The following ENTPD8 variants were observed in gnomAD, a reference collection of about 807,000 sequenced individuals.
ENTPD8 encodes the protein E-NTPDase 8.
Under a neutral mutation model 47.0 loss-of-function variants are expected in ENTPD8, and 35 were observed. The ratio of observed to expected loss-of-function variants is 0.75; its 90% CI spans 0.57 to 0.99. The LOEUF is 0.99. Ranked by LOEUF, ENTPD8 falls within the 50% of genes least tolerant of loss-of-function variation. The pLI is 0.00. For synonymous variants in ENTPD8, 308 were observed against 290.5 expected, an observed-to-expected ratio of 1.06 and a Z score of -0.61; for missense variants, 668 against 649.9, an observed-to-expected ratio of 1.03 and a Z score of -0.30.
At position 137,438,241 on chromosome 9, in the gene ENTPD8, C is replaced by A; in HGVS notation, c.45G>T (p.Gly15=). The change falls in exon 2 of 10, where the codon GGG becomes GGT. Residue 15 remains glycine, a synonymous_variant. Transcript: ENST00000371506. The surrounding 1 kb of genome is among the most constrained non-coding windows in gnomAD (Gnocchi z 5.7). ...RKEQVFLALL[G]ASGVSGLTAL... is the part of the protein sequence containing the mutation. ...CCGTGAGGCCTGAGACCCCCGAGGC[C>A]CCCAGCAGGGCCAAGAAGACCTGCT... 1 of 1,600,302 alleles carries A rather than the reference C, an allele frequency of 6.2e-7. No individual in the cohort carries two copies. Among genetic ancestry groups the A allele is most frequent in the Non-Finnish European group, 8.5e-7 (1 of 1,173,998 alleles).
At chr9:137,435,363 G>A (rs781593375) in intron 8 of ENTPD8, 25 bp from the exon 9 acceptor site, 6 of 1,600,082 alleles carry the variant, frequency 3.7e-6, no homozygotes, top group South Asian at 3.3e-5. Context: ...ACCAAGAGGC[G>A]AGGTGAGGGC....
chr9:137,435,406 T>C lies in ENTPD8; in HGVS notation c.1162-68A>G, dbSNP rs550662960. ...CCCCAGTCATGCGGGGACCGCCCCATCTGTCCTGGCCAACCTGAGCACGCA... is the reference window on the plus strand; with the variant it reads ...CCCCAGTCATGCGGGGACCGCCCCACCTGTCCTGGCCAACCTGAGCACGCA... On this transcript the variant is annotated intron_variant, in intron 8 of 9. Transcript: ENST00000371506. 13 of 1,555,370 alleles carry C rather than the reference T, an allele frequency of 8.4e-6. 1 individual carries two copies. The South Asian group carries it at 1.6e-4, about 19-fold the overall frequency.
At chr9:137,437,101 C>A in intron 4 of ENTPD8, 58 bp downstream of exon 4, 2 of 1,602,808 alleles carry the variant, frequency 1.2e-6, no homozygotes, top group Non-Finnish European at 1.7e-6. Flanking sequence ...GCCACGCTGG[C>A]TGAGACCATG....
chr9:137,435,375 C>A, intron 8 of ENTPD8, 37 bp from the exon 9 acceptor site: 1 of 1,592,594 alleles, frequency 6.3e-7, no homozygotes, highest in Non-Finnish European at 8.5e-7. Flanking sequence ...GGTGAGGGCC[C>A]CTGATCCCCA....
chr9:137,436,594 C>T lies in ENTPD8; in HGVS notation c.713G>A (p.Ser238Asn), dbSNP rs756604767. 4 of 1,611,718 alleles carry T rather than the reference C, an allele frequency of 2.5e-6. No individual in the cohort carries two copies. The highest frequency in any genetic ancestry group is 2.7e-5 in the African/African-American group (2 of 74,882). ...GCACAGGTAGCTGTGAGTGTAGACG[C>T]TGTAGTCGGAGCCGTAGAGGCGAAA... is the stretch of plus-strand genomic sequence containing the variant. ...ADFRLYGSDY[S>N]VYTHSYLCFG... Residue 238 changes from serine to asparagine, a missense_variant, in exon 6 of 10, where the codon AGC becomes AAC. Transcript: ENST00000371506.
In ENTPD8 at chr9:137,435,286, G is replaced by A. The variant is rs1839310678; in HGVS notation, c.1214C>T (p.Ser405Leu). The change falls in exon 9 of 10, where the codon TCA (serine) becomes TTA (leucine). Residue 405 changes from serine to leucine, a missense_variant. Coordinates refer to ENST00000371506, the MANE Select transcript of ENTPD8 (RefSeq NM_001033113.2). Reference sequence around the variant, plus strand: ...CAGGAGGGTGAGGATGTACAGGCCTGAGGCACAGTAGTCCCGCAGCCAGCG... The same window carrying A: ...CAGGAGGGTGAGGATGTACAGGCCTAAGGCACAGTAGTCCCGCAGCCAGCG... ...QDRWLRDYCASGLYILTLLHE... is the reference protein window; with the variant it reads ...QDRWLRDYCALGLYILTLLHE... 23 of 1,612,560 alleles carry A rather than the reference G, an allele frequency of 1.4e-5. No homozygotes were observed. The highest frequency in any genetic ancestry group is 1.9e-5 in the Non-Finnish European group (23 of 1,179,908).
At position 137,434,876 on chromosome 9, in the gene ENTPD8, G is replaced by A. The variant is rs950195736; in HGVS notation, c.*38C>T. On this transcript the variant is annotated 3_prime_UTR_variant, in exon 10 of 10. Transcript: ENST00000371506. ...AGCCTCCAGCATCCGGGACGCAGCTGCCTGTGGGCTCTGTGGGGGCCCACC... is the reference window on the plus strand; with the variant it reads ...AGCCTCCAGCATCCGGGACGCAGCTACCTGTGGGCTCTGTGGGGGCCCACC... The A allele has an allele frequency of 1.3e-6, 2 of 1,558,838 alleles. No homozygotes were observed. Among genetic ancestry groups the A allele is most frequent in the Non-Finnish European group, 1.7e-6 (2 of 1,152,312 alleles).
chr9:137,439,955 C>G (rs1317632698), intron 1 of ENTPD8, among the ~76,000 whole-genome samples: 1 of 63,936 alleles, frequency 1.6e-5, no homozygotes, highest in African/African-American at 6.7e-5. Context: ...GACCAGGACA[C>G]CCCCTCAGAC....
At position 137,434,814 on chromosome 9, in the gene ENTPD8, C is replaced by T. The variant is rs1839291292; in HGVS notation, c.*100G>A. 1 of 1,396,984 alleles carries T rather than the reference C, an allele frequency of 7.2e-7. No homozygotes were observed. Among genetic ancestry groups the T allele is most frequent in the Non-Finnish European group, 9.5e-7 (1 of 1,056,744 alleles). The allele number at this position is 1,396,984 out of a possible 1,614,324, so 86.5% of individuals were successfully genotyped here. A position where few individuals can be genotyped will look rare whatever the true frequency, so the allele number is the denominator to read the frequency against. ...GGCTGTCACCTGACCGTGGGCAGAGCCACAGAGCAAGGCCCCACGGCGCTC... is the reference window on the plus strand; with the variant it reads ...GGCTGTCACCTGACCGTGGGCAGAGTCACAGAGCAAGGCCCCACGGCGCTC... On this transcript the variant is annotated 3_prime_UTR_variant, in exon 10 of 10. Transcript: ENST00000371506.
In ENTPD8 at chr9:137,435,044, G is replaced by A. The variant is rs141187532; in HGVS notation, c.1358C>T (p.Pro453Leu). ...GYMLNLTGMI[P>L]ADAPAQWRAE... The stretch of plus-strand genomic sequence containing the variant: ...CCGCCACTGAGCCGGCGCATCGGCC[G>A]GGATCATCCCGGTCAGGTTCAGCAT... Residue 453 changes from proline (P) to leucine (L), a missense_variant, in exon 10 of 10, where the codon CCG (proline) becomes CTG (leucine). By Grantham distance (98) the Pro-to-Leu change is moderately conservative (BLOSUM62 -3). Transcript: ENST00000371506. 2.9e-4 allele frequency: 473 copies of A among 1,612,478 alleles called. No homozygotes were observed. Among genetic ancestry groups the A allele is most frequent in the Non-Finnish European group, 3.7e-4 (442 of 1,179,888 alleles).
Position 137,438,764 on chromosome 9 carries a change from C to CG in ENTPD8, c.-20-460dup, listed in dbSNP as rs1407064683. Among the ~76,000 whole-genome samples, 1 of 152,030 alleles carries CG rather than the reference C, an allele frequency of 6.6e-6. No homozygotes were observed. Among genetic ancestry groups the CG allele is most frequent in the Non-Finnish European group, 1.5e-5 (1 of 67,940 alleles). ...ATCAGAGGGCCCTGTGGGAGGGGGG[C>CG]GGGGGGCAGCAGAGGCCTCGTCTGG... On this transcript the variant is annotated intron_variant, in intron 1 of 9. Coordinates refer to ENST00000371506, the MANE Select transcript of ENTPD8 (RefSeq NM_001033113.2). The surrounding 1 kb of genome is among the most constrained non-coding windows in gnomAD (Gnocchi z 5.7).
In ENTPD8 at chr9:137,435,751, T is replaced by C. The variant is rs200480344; in HGVS notation, c.1129A>G (p.Ile377Val). 1.2e-6 allele frequency: 2 copies of C among 1,613,242 alleles called. No homozygotes were observed. The highest frequency in any genetic ancestry group is 2.7e-5 in the African/African-American group (2 of 74,920). ...CAGGGCCTCTGGCAAAACTCCCAGATGGTGGCGTTGACCGTGCTCAGGGGC... is the reference window on the plus strand; with the variant it reads ...CAGGGCCTCTGGCAAAACTCCCAGACGGTGGCGTTGACCGTGCTCAGGGGC... ...RQPLSTVNATIWEFCQRPWKL... is the reference protein window; with the variant it reads ...RQPLSTVNATVWEFCQRPWKL... Residue 377 changes from isoleucine (I) to valine (V), a missense_variant, in exon 8 of 10, where the codon ATC becomes GTC. Physicochemically the swap from Ile to Val is conservative, Grantham distance 29 (BLOSUM62 3). Coordinates refer to ENST00000371506, the MANE Select transcript of ENTPD8 (RefSeq NM_001033113.2).
chr9:137,435,712 C>T lies in ENTPD8; in HGVS notation c.1161+7G>A. 6.2e-7 allele frequency: 1 copy of T among 1,611,014 alleles called. No homozygotes were observed. Among genetic ancestry groups the T allele is most frequent in the Non-Finnish European group, 8.5e-7 (1 of 1,178,146 alleles). The stretch of plus-strand genomic sequence containing the variant: ...CGCTGCAGCCAGGGAGCCCAGGGCC[C>T]ACCCACCAGTTTCCAGGGCCTCTGG... On this transcript the variant is annotated splice_region_variant and intron_variant, in intron 8 of 9. Coordinates refer to ENST00000371506, the MANE Select transcript of ENTPD8 (RefSeq NM_001033113.2).
chr9:137,436,370 T>C, intron 6 of ENTPD8, 94 bp from the exon 7 acceptor site: 1 of 1,401,326 alleles, frequency 7.1e-7, no homozygotes, highest in Non-Finnish European at 9.4e-7. Context: ...CCCGCGCCCA[T>C]ACCCTGTGCG....
chr9:137,436,216 C>T lies in ENTPD8; in HGVS notation c.847G>A (p.Ala283Thr), dbSNP rs755193844. ...GGTGACTCATACAGCGGGCCCAGGG[C>T]CAGTGTGGTCTGGTAGCCGCTGAGG... ...CYLSGYQTTL[A>T]LGPLYESPCV... Residue 283 changes from alanine (A) to threonine (T), a missense_variant, in exon 7 of 10, where the codon GCC becomes ACC. Physicochemically the swap from Ala to Thr is moderately conservative, Grantham distance 58. Coordinates refer to ENST00000371506, the MANE Select transcript of ENTPD8 (RefSeq NM_001033113.2). 54 of 1,610,940 alleles carry T rather than the reference C, an allele frequency of 3.4e-5. No homozygotes were observed. Among genetic ancestry groups the T allele is most frequent in the Non-Finnish European group, 4.5e-5 (53 of 1,178,672 alleles).
Position 137,436,268 on chromosome 9 carries a change from C to T in ENTPD8, c.795G>A (p.Pro265=), listed in dbSNP as rs764734977. 84 of 1,590,282 alleles carry T rather than the reference C, an allele frequency of 5.3e-5. No homozygotes were observed. Among genetic ancestry groups the T allele is most frequent in the Non-Finnish European group, 6.6e-5 (77 of 1,166,740 alleles). Residue 265 remains proline, a synonymous_variant, in exon 7 of 10, where the codon CCG becomes CCA. Transcript: ENST00000371506. ...RLLVGLVQSR[P]AALLRHPCYL... is the part of the protein sequence containing the mutation. ...AGCACGGGTGACGGAGCAGGGCAGC[C>T]GGGCGGCTCTGCAGAGGGCAGGGAG...
chr9:137,435,375 C>G, intron 8 of ENTPD8, 37 bp from the exon 9 acceptor site: 3 of 1,592,594 alleles, frequency 1.9e-6, no homozygotes, highest in Non-Finnish European at 2.6e-6. Flanking sequence ...GGTGAGGGCC[C>G]CTGATCCCCA....
chr9:137,439,656 G>C (rs1375776272), intron 1 of ENTPD8, among the ~76,000 whole-genome samples: 1 of 152,088 alleles, frequency 6.6e-6, no homozygotes, highest in Non-Finnish European at 1.5e-5. Context: ...GGCCCAGCCT[G>C]TGTCCCCAAC....
Position 137,438,252 on chromosome 9 carries a change from C to G in ENTPD8, c.34G>C (p.Ala12Pro), listed in dbSNP as rs777491769. ...GAGACCCCCGAGGCCCCCAGCAGGGCCAAGAAGACCTGCTCCTTCCGGGAC... is the reference window on the plus strand; with the variant it reads ...GAGACCCCCGAGGCCCCCAGCAGGGGCAAGAAGACCTGCTCCTTCCGGGAC... Reference protein sequence around the residue: ...GLSRKEQVFLALLGASGVSGL... With the variant: ...GLSRKEQVFLPLLGASGVSGL... Residue 12 changes from alanine to proline, a missense_variant, in exon 2 of 10, where the codon GCC (alanine) becomes CCC (proline). Physicochemically the swap from Ala to Pro is conservative, Grantham distance 27. Transcript: ENST00000371506. The surrounding 1 kb of genome is among the most constrained non-coding windows in gnomAD (Gnocchi z 5.7). 3 of 1,597,292 alleles carry G rather than the reference C, an allele frequency of 1.9e-6. No individual in the cohort carries two copies. Among genetic ancestry groups the G allele is most frequent in the Non-Finnish European group, 2.6e-6 (3 of 1,172,518 alleles).
Sources: gnomAD v4.1 joint callset for allele counts (sites outside exome capture counted in the v4.1 genomes callset) on GRCh38, gnomAD v4.1.1 for gene constraint, Gnocchi (gnomAD v3.1) non-coding constraint, MANE v1.5 for transcripts, NCBI Gene and HGNC (gene_info 2026-07-23, HGNC 2026-07-21) for gene names.